The following PDS5A variants were observed in gnomAD, a reference collection of about 807,000 sequenced individuals.
PDS5A encodes the protein sister chromatid cohesion protein PDS5 homolog A.
Under a neutral mutation model 167.1 loss-of-function variants are expected in PDS5A, and 42 were observed. The ratio of observed to expected loss-of-function variants is 0.25; its 90% confidence interval spans 0.20 to 0.33. The LOEUF (loss-of-function observed/expected upper bound fraction) is 0.33, where lower values mean the gene tolerates loss of function less well. Among genes scored for constraint, PDS5A ranks in the 10% least tolerant of loss-of-function variants. The pLI, the probability that PDS5A is intolerant of heterozygous loss-of-function variation, is 1.00. For missense variants in PDS5A, 1,033 were observed against 1,605.9 expected, an observed-to-expected ratio of 0.64 and a Z score of 6.10; for synonymous variants, 553 against 554.6, an observed-to-expected ratio of 1.00 and a Z score of 0.04.
chr4:39,827,288 G>C (rs1320720624), intron 32 of PDS5A, among the ~76,000 whole-genome samples: 1 of 152,072 alleles, frequency 6.6e-6, no homozygotes, highest in Non-Finnish European at 1.5e-5. Context: ...TGAACCACTG[G>C]ACCCGGCCAA....
At chr4:39,951,898 C>CAAAAAAAAAAA (rs1161911794) in intron 2 of PDS5A, among the ~76,000 whole-genome samples, 1,437 of 68,728 alleles carry the variant, frequency 0.021, 62 homozygotes, top group East Asian at 0.094. Context: ...GAGTCTGTCT[C>CAAAAAAAAAAA]AAAAAAAAAA....
At chr4:39,946,949 G>A (rs1727829670) in intron 2 of PDS5A, among the ~76,000 whole-genome samples, 1 of 151,694 alleles carries the variant, frequency 6.6e-6, no homozygotes, top group Non-Finnish European at 1.5e-5. Flanking sequence ...GATCATAAAG[G>A]ACTACTATAG....
At chr4:39,861,773 T>TA (rs1719024087) in intron 26 of PDS5A, among the ~76,000 whole-genome samples, 1 of 152,194 alleles carries the variant, frequency 6.6e-6, no homozygotes, top group Non-Finnish European at 1.5e-5. Flanking sequence ...GTGTACCTCA[T>TA]AAATGTATAC....
intron 17 of PDS5A, among the ~76,000 whole-genome samples, chr4:39,881,572 T>C (rs1477620506): frequency 6.6e-6 from 1 of 152,102 alleles, no homozygotes; most frequent in African/African-American, 2.4e-5. Context: ...ACCACACAAT[T>C]CCCTGAATTA....
chr4:39,900,379 A>C (rs760699865), intron 14 of PDS5A, 47 bp downstream of exon 14: 1 of 1,182,046 alleles, frequency 8.5e-7, no homozygotes, highest in South Asian at 1.3e-5. Context: ...AGAAAATCTG[A>C]ACAGTGACTA....
At chr4:39,847,114 A>C (rs1000731249) in intron 28 of PDS5A, 8 of 151,350 alleles carry the variant, frequency 5.3e-5, no homozygotes, top group Non-Finnish European at 1.2e-4. Flanking sequence ...ATTATTAAGA[A>C]GACTAAAACT....
chr4:39,947,901 AAC>A (rs1727924736), intron 2 of PDS5A, among the ~76,000 whole-genome samples: 8 of 152,178 alleles, frequency 5.3e-5, no homozygotes, highest in Admixed American at 5.2e-4. Flanking sequence ...ACCAAACTTC[AAC>A]ATAAGTTTTG....
chr4:39,841,815 A>T (rs1374426665), intron 31 of PDS5A, 133 bp downstream of exon 31: 2 of 588,780 alleles, frequency 3.4e-6, no homozygotes, highest in African/African-American at 3.8e-5. Flanking sequence ...AGCGGGGAGA[A>T]GGTGTGTGGT....
intron 32 of PDS5A, among the ~76,000 whole-genome samples, chr4:39,829,405 C>T (rs1715608182): frequency 6.6e-6 from 1 of 152,144 alleles, no homozygotes; most frequent in South Asian, 2.1e-4. Context: ...AATCCCAGCA[C>T]TTTGGGAGGC....
At chr4:39,968,727 C>T (rs1335495499) in intron 2 of PDS5A, among the ~76,000 whole-genome samples, 1 of 150,274 alleles carries the variant, frequency 6.7e-6, no homozygotes, top group African/African-American at 2.4e-5. Flanking sequence ...CCACTGTGCC[C>T]GGCCTGTAAT....
chr4:39,854,832 G>A (rs1045702934), intron 26 of PDS5A, among the ~76,000 whole-genome samples: 7 of 152,088 alleles, frequency 4.6e-5, no homozygotes, highest in Non-Finnish European at 8.8e-5. Flanking sequence ...ATATGAAGAA[G>A]AAAAAGTGTT....
chr4:39,867,129 A>AT, intron 22 of PDS5A, 132 bp from the exon 23 acceptor site: 3 of 671,598 alleles, frequency 4.5e-6, no homozygotes, highest in Non-Finnish European at 7.3e-6. Flanking sequence ...CTATGGGATA[A>AT]TAACAGCAAC....
chr4:39,879,914 G>T, intron 17 of PDS5A, 81 bp from the exon 18 acceptor site: 1 of 767,824 alleles, frequency 1.3e-6, no homozygotes, highest in East Asian at 2.5e-5. Context: ...AACATATATA[G>T]AACCTTAAAA....
Position 39,976,428 on chromosome 4 carries a change from CCAGA to C in PDS5A, c.138+8_138+11del, listed in dbSNP as rs757352013. ...TTCTACCAAAGACATCAAAATCCGT[CCAGA>C]CACTTACCTTCAGGCGTTTGATCAT... On this transcript the variant is annotated splice_region_variant and intron_variant, in intron 2 of 32. Transcript: ENST00000303538. 3 of 1,608,752 alleles carry C rather than the reference CCAGA, an allele frequency of 1.9e-6. No homozygotes were observed. The highest frequency in any genetic ancestry group is 2.2e-5 in the South Asian group (2 of 90,836).
chr4:39,825,493 G>C lies in PDS5A; in HGVS notation c.4011-5C>G. The C allele has an allele frequency of 1.3e-6, 2 of 1,577,798 alleles. No homozygotes were observed. Among genetic ancestry groups the C allele is most frequent in the South Asian group, 2.3e-5 (2 of 86,096 alleles). On this transcript the variant is annotated splice_polypyrimidine_tract_variant and splice_region_variant and intron_variant, in intron 32 of 32. Coordinates refer to ENST00000303538, the MANE Select transcript of PDS5A (RefSeq NM_001100399.2). ...CCTTTGCAAATGCATTTTTACCTTA[G>C]GGTTAAGAATAGAACGCAAAGTTAG...
At chr4:39,938,180 G>T (rs889297307) in intron 2 of PDS5A, among the ~76,000 whole-genome samples, 6 of 152,146 alleles carry the variant, frequency 3.9e-5, no homozygotes, top group Admixed American at 1.3e-4. Flanking sequence ...GGCAGCTCTG[G>T]AACTGTTCTG....
chr4:39,870,340 T>C (rs148264519), intron 21 of PDS5A, among the ~76,000 whole-genome samples: 1 of 152,172 alleles, frequency 6.6e-6, no homozygotes, highest in East Asian at 1.9e-4. Flanking sequence ...AAAATGTAAA[T>C]AACTCTTAAA....
At chr4:39,837,578 A>T in intron 32 of PDS5A, 1 of 351,064 alleles carries the variant, frequency 2.8e-6, no homozygotes, top group Non-Finnish European at 5.1e-6. Flanking sequence ...AAAGGCACTA[A>T]GCAAAAGAAA....
chr4:39,962,646 A>C (rs1729596244), intron 2 of PDS5A, among the ~76,000 whole-genome samples: 1 of 151,978 alleles, frequency 6.6e-6, no homozygotes. Context: ...TCTACTAAAA[A>C]TACAAAAATT....
Sources: allele counts gnomAD v4.1 joint callset (sites outside exome capture counted in the v4.1 genomes callset), GRCh38; gene constraint gnomAD v4.1.1; transcripts MANE v1.5; gene names NCBI Gene and HGNC (gene_info 2026-07-23, HGNC 2026-07-21).